Variants in ROBO2 observed in about 807,000 individuals in gnomAD.
ROBO2 encodes roundabout homolog 2.
ROBO2 carries 53 observed loss-of-function variants against 160.8 expected under a neutral mutation model. That is an observed-to-expected ratio of 0.33 (90% CI 0.26 to 0.41). The LOEUF is 0.41. Among genes scored for constraint, ROBO2 ranks in the 10% least tolerant of loss-of-function variants. The probability of loss-of-function intolerance (pLI) is 1.00; values close to 1 mark genes in which losing one functional copy is unlikely to be tolerated. For synonymous variants in ROBO2, 664 were observed against 611.7 expected (o/e 1.09, Z -1.26); for missense variants, 1,577 against 1,722.4 (o/e 0.92, Z 1.49).
intron 2 of ROBO2, among the ~76,000 whole-genome samples, chr3:76,932,040 T>G (rs932315056): frequency 7.2e-5 from 11 of 152,292 alleles, no homozygotes; most frequent in Non-Finnish European, 1.6e-4. Flanking sequence ...CTCCAAAGAC[T>G]TTAAGATAGT....
intron 2 of ROBO2, among the ~76,000 whole-genome samples, chr3:76,642,629 G>A (rs557845390): frequency 4.2e-4 from 64 of 152,026 alleles, no homozygotes; most frequent in African/African-American, 1.4e-3. Flanking sequence ...TGGGGTTACA[G>A]GTGTGAGCCA....
At chr3:77,328,062 CAAAAAAAAAAAAAAAAA>C (rs57829219) in intron 2 of ROBO2, among the ~76,000 whole-genome samples, 1 of 112,850 alleles carries the variant, frequency 8.9e-6, no homozygotes, top group African/African-American at 3.7e-5. Context: ...GACCGTATCT[CAAAAAAAAAAAAAAAAA>C]AGAAAAGAAA....
At chr3:76,322,685 T>C (rs2072667857) in intron 2 of ROBO2, among the ~76,000 whole-genome samples, 1 of 152,170 alleles carries the variant, frequency 6.6e-6, no homozygotes, top group South Asian at 2.1e-4. Context: ...GTTTTTCTTG[T>C]AACTTTAATT....
At chr3:77,078,612 T>C (rs764962390) in intron 1 of ROBO2, among the ~76,000 whole-genome samples, 1 of 152,198 alleles carries the variant, frequency 6.6e-6, no homozygotes, top group Non-Finnish European at 1.5e-5. Context: ...TGGCAGCAGA[T>C]AGAATTTTCA....
At chr3:76,736,197 G>A (rs918318569) in intron 2 of ROBO2, among the ~76,000 whole-genome samples, 2 of 151,646 alleles carry the variant, frequency 1.3e-5, no homozygotes, top group African/African-American at 4.8e-5. Flanking sequence ...CAGGAGAATG[G>A]GGGGAACCCG....
intron 2 of ROBO2, among the ~76,000 whole-genome samples, chr3:77,458,918 A>G (rs2081968273): frequency 6.6e-6 from 1 of 152,192 alleles, no homozygotes; most frequent in Admixed American, 6.5e-5. Context: ...TTTATTAACT[A>G]GATGAACTTG....
intron 2 of ROBO2, among the ~76,000 whole-genome samples, chr3:76,139,041 G>A (rs2071534168): frequency 6.6e-6 from 1 of 152,128 alleles, no homozygotes; most frequent in African/African-American, 2.4e-5. Flanking sequence ...GATTTGAGTT[G>A]AAACAGTGTG....
intron 2 of ROBO2, among the ~76,000 whole-genome samples, chr3:76,322,404 T>C (rs981329553): frequency 2.0e-5 from 3 of 151,908 alleles, no homozygotes; most frequent in African/African-American, 7.3e-5. Flanking sequence ...GAGATATAAA[T>C]GTGTAACTTG....
At chr3:76,447,868 G>A (rs1204428540) in intron 2 of ROBO2, among the ~76,000 whole-genome samples, 21 of 120,804 alleles carry the variant, frequency 1.7e-4, no homozygotes, top group East Asian at 2.5e-4. Context: ...CAGGAAGGGG[G>A]ACATCACACA....
chr3:76,956,277 G>A (rs982100331), intron 2 of ROBO2, among the ~76,000 whole-genome samples: 3 of 152,120 alleles, frequency 2.0e-5, no homozygotes, highest in African/African-American at 7.2e-5. Context: ...GCTAATCTGG[G>A]CCAGGCACGG....
At chr3:76,283,115 T>C (rs1482344662) in intron 2 of ROBO2, among the ~76,000 whole-genome samples, 2 of 133,874 alleles carry the variant, frequency 1.5e-5, no homozygotes, top group Admixed American at 7.8e-5. Context: ...ATAATAGTTA[T>C]ATATGTATAT....
At chr3:76,839,546 G>A (rs1268065670) in intron 2 of ROBO2, among the ~76,000 whole-genome samples, 1 of 152,126 alleles carries the variant, frequency 6.6e-6, no homozygotes, top group East Asian at 1.9e-4. Flanking sequence ...TCTTTTTAGT[G>A]TATTGTCGAA....
chr3:77,149,406 T>A (rs1460063811), intron 2 of ROBO2, among the ~76,000 whole-genome samples: 1 of 152,174 alleles, frequency 6.6e-6, no homozygotes, highest in Admixed American at 6.5e-5. Context: ...ACTAGCCATG[T>A]TAGCTTGGGG....
chr3:76,532,039 A>G (rs938379419), intron 2 of ROBO2, among the ~76,000 whole-genome samples: 9 of 152,174 alleles, frequency 5.9e-5, no homozygotes, highest in Non-Finnish European at 1.0e-4. Context: ...CTTAGTAAGT[A>G]GAAGGTACTG....
intron 2 of ROBO2, among the ~76,000 whole-genome samples, chr3:76,081,170 T>C (rs2068815602): frequency 1.3e-5 from 2 of 151,938 alleles, no homozygotes; most frequent in South Asian, 4.1e-4. Context: ...TATATACATA[T>C]ATATATATTC....
chr3:77,099,025 G>C (rs1002447422), intron 2 of ROBO2, among the ~76,000 whole-genome samples: 1 of 151,034 alleles, frequency 6.6e-6, no homozygotes, highest in African/African-American at 2.4e-5. Flanking sequence ...TAGCTCATGG[G>C]CCTGTGTCTT....
chr3:77,644,710 C>A (rs1170099455), exon 25 of ROBO2: 2 of 1,613,802 alleles, frequency 1.2e-6, no homozygotes, highest in Non-Finnish European at 1.7e-6. Context: ...TCAGAGGAGG[C>A]CTTGGTGCCC....
intron 2 of ROBO2, among the ~76,000 whole-genome samples, chr3:76,481,090 A>C (rs1271899488): frequency 6.6e-6 from 1 of 152,178 alleles, no homozygotes; most frequent in Non-Finnish European, 1.5e-5. Flanking sequence ...AGGAGATATG[A>C]GCAAGGAAAT....
Position 77,493,225 on chromosome 3 carries a change from T to C in ROBO2, c.668-19T>C. ...AATAGTTTATCTCATTTTACCATTG[T>C]TTCATTTTTTTTTTCAAGAACGACC... On this transcript the variant is annotated intron_variant, in intron 4 of 25. Coordinates refer to ENST00000461745, the Ensembl canonical transcript of ROBO2. 6.2e-7 allele frequency: 1 copy of C among 1,612,746 alleles called. No homozygotes were observed. Among genetic ancestry groups the C allele is most frequent in the Non-Finnish European group, 8.5e-7 (1 of 1,178,920 alleles).
Sources: gnomAD v4.1 joint callset for allele counts (sites outside exome capture counted in the v4.1 genomes callset) on GRCh38, gnomAD v4.1.1 for gene constraint, MANE v1.5 for transcripts, NCBI Gene and HGNC (gene_info 2026-07-23, HGNC 2026-07-21) for gene names.